The following LARP4B variants were observed in gnomAD, a reference collection of about 807,000 sequenced individuals.
LARP4B encodes the protein la-related protein 4B.
In LARP4B, 12 loss-of-function variants were observed where a neutral mutation model predicts 89.8. The observed-to-expected ratio is 0.13, with a 90% CI of 0.09 to 0.22. The LOEUF is 0.22. Among genes scored for constraint, LARP4B ranks in the 10% least tolerant of loss-of-function variants. The pLI, the probability that LARP4B is intolerant of heterozygous loss-of-function variation, is 1.00. For synonymous variants in LARP4B, 367 were observed against 363.3 expected (o/e 1.01, Z -0.12); for missense variants, 757 against 947.7 (o/e 0.80, Z 2.64).
At position 839,541 on chromosome 10, in the gene LARP4B, A is replaced by T. The variant is rs546787812; in HGVS notation, c.647-3035T>A. The stretch of plus-strand genomic sequence containing the variant: ...AAAGGAAGGCAAATAAGCTCATTTA[A>T]AAAATGCTCAACTTCATTAATCATT... On this transcript the variant is annotated intron_variant, in intron 7 of 17. Coordinates refer to ENST00000316157, the MANE Select transcript of LARP4B (RefSeq NM_015155.3). 3.9e-5 allele frequency among the ~76,000 whole-genome samples: 6 copies of T among 152,372 alleles called. No individual in the cohort carries two copies. The South Asian group carries it at 1.2e-3, about 32-fold the overall frequency.
chr10:966,829 C>G, the LARP4B span, among the ~76,000 whole-genome samples: 1 of 151,916 alleles, frequency 6.6e-6, no homozygotes, highest in African/African-American at 2.4e-5. Flanking sequence ...AGGCCACCCC[C>G]TCACCCCCAC....
At chr10:926,801 C>G (rs1837148877) in intron 1 of LARP4B, among the ~76,000 whole-genome samples, 1 of 152,168 alleles carries the variant, frequency 6.6e-6, no homozygotes, top group African/African-American at 2.4e-5. Flanking sequence ...CTCTGGGAGG[C>G]CAAGGCAGAT....
the LARP4B span, among the ~76,000 whole-genome samples, chr10:967,245 G>A: frequency 1.6e-4 from 25 of 152,286 alleles, no homozygotes; most frequent in African/African-American, 5.5e-4. Flanking sequence ...TGGGCGCAGC[G>A]CAGGGAGGAC....
chr10:817,935 C>A, intron 14 of LARP4B, 46 bp from the exon 15 acceptor site: 1 of 1,564,324 alleles, frequency 6.4e-7, no homozygotes, highest in Non-Finnish European at 8.7e-7. Flanking sequence ...AGAGAGAAGG[C>A]CAAGCAGCTT....
intron 1 of LARP4B, among the ~76,000 whole-genome samples, chr10:921,870 AC>A (rs1173545139): frequency 2.4e-4 from 37 of 152,346 alleles, no homozygotes; most frequent in African/African-American, 7.5e-4. Context: ...ACTGAAGGCC[AC>A]GTGCACACGC....
At chr10:946,369 C>T in the LARP4B span, among the ~76,000 whole-genome samples, 1 of 152,324 alleles carries the variant, frequency 6.6e-6, no homozygotes, top group Non-Finnish European at 1.5e-5. Context: ...CATCAGCTGC[C>T]TCTAAAGCGA....
rs142898700 is a variant in LARP4B, at chr10:922,100, G to T, written c.-40+9328C>A. On this transcript the variant is annotated intron_variant, in intron 1 of 17. Coordinates refer to ENST00000316157, the MANE Select transcript of LARP4B (RefSeq NM_015155.3). ...GGGGTCAGGGGGTGGGGGGTGGTGA[G>T]GAGGATGCTTTCAGGATGAAACTGT... 3.3e-5 allele frequency among the ~76,000 whole-genome samples: 5 copies of T among 152,288 alleles called. No individual in the cohort carries two copies. In the East Asian group the frequency reaches 9.6e-4, roughly 29 times the overall value.
At chr10:870,012 C>T (rs974463763) in intron 3 of LARP4B, 3 of 978,984 alleles carry the variant, frequency 3.1e-6, no homozygotes, top group Admixed American at 6.2e-5. Context: ...AACATACTTA[C>T]GAACTGTCCG....
At chr10:969,879 GCATGCCCA>G in the LARP4B span, among the ~76,000 whole-genome samples, 2 of 152,194 alleles carry the variant, frequency 1.3e-5, no homozygotes, top group African/African-American at 4.8e-5. Flanking sequence ...TTCGTGACCT[GCATGCCCA>G]CATGGAAGGT....
chr10:860,127 T>TGGGGGGGGGGGGGGGGG (rs60607691), intron 5 of LARP4B, among the ~76,000 whole-genome samples: 2 of 96,206 alleles, frequency 2.1e-5, no homozygotes, highest in African/African-American at 4.1e-5. Flanking sequence ...TGTGTGGGGG[T>TGGGGGGGGGGGGGGGGG]GGGGGGGAGG....
chr10:946,000 T>C, the LARP4B span, among the ~76,000 whole-genome samples: 506 of 152,308 alleles, frequency 3.3e-3, no homozygotes, highest in Middle Eastern at 0.01. Flanking sequence ...TGCAAGAATG[T>C]AAGCCCAGCC....
At chr10:927,055 A>T (rs2132062607) in intron 1 of LARP4B, among the ~76,000 whole-genome samples, 1 of 152,236 alleles carries the variant, frequency 6.6e-6, no homozygotes, top group East Asian at 1.9e-4. Flanking sequence ...AAAAAAAAAA[A>T]ATTGTGTTAA....
At chr10:839,650 G>A (rs1235453132) in intron 7 of LARP4B, among the ~76,000 whole-genome samples, 2 of 152,234 alleles carry the variant, frequency 1.3e-5, no homozygotes. Context: ...CATACGAAGT[G>A]TCAGAAGGAT....
chr10:849,148 A>G (rs1400958402), intron 5 of LARP4B, among the ~76,000 whole-genome samples: 2 of 152,122 alleles, frequency 1.3e-5, no homozygotes, highest in East Asian at 1.9e-4. Flanking sequence ...ACAAAGAAGA[A>G]GGCTGCTCCA....
chr10:808,887 C>T (rs117487988), downstream of LARP4B: 2 of 152,168 alleles, frequency 1.3e-5, no homozygotes, highest in Non-Finnish European at 2.9e-5. Context: ...AATAATTAAA[C>T]ACCGTAAAAG....
At chr10:948,449 T>C in the LARP4B span, among the ~76,000 whole-genome samples, 4 of 152,176 alleles carry the variant, frequency 2.6e-5, no homozygotes, top group African/African-American at 9.7e-5. Flanking sequence ...GGTTTCTCCA[T>C]GTTGGTCAGG....
chr10:892,925 TTTA>T (rs1384811465), intron 1 of LARP4B, among the ~76,000 whole-genome samples: 1 of 133,298 alleles, frequency 7.5e-6, no homozygotes, highest in Non-Finnish European at 1.7e-5. Context: ...TTTTTTTTTT[TTTA>T]AATACAGAGT....
chr10:944,338 A>G, the LARP4B span, among the ~76,000 whole-genome samples: 3 of 152,174 alleles, frequency 2.0e-5, no homozygotes, highest in Non-Finnish European at 2.9e-5. Flanking sequence ...GGTTTTCACC[A>G]CAGGGAGAAC....
chr10:939,999 C>T, the LARP4B span, among the ~76,000 whole-genome samples: 4 of 151,074 alleles, frequency 2.6e-5, no homozygotes, highest in Non-Finnish European at 5.9e-5. Flanking sequence ...GCATGTGCCA[C>T]CACGCCCGGC....
Sources: gnomAD v4.1 joint callset for allele counts (sites outside exome capture counted in the v4.1 genomes callset) on GRCh38, gnomAD v4.1.1 for gene constraint, MANE v1.5 for transcripts, NCBI Gene and HGNC (gene_info 2026-07-23, HGNC 2026-07-21) for gene names.